Variants in PRMT7 observed in about 807,000 individuals in gnomAD.
PRMT7 encodes protein arginine N-methyltransferase 7.
PRMT7 carries 75 observed loss-of-function variants against 85.4 expected under a neutral mutation model. The ratio of observed to expected loss-of-function variants is 0.88; its 90% CI spans 0.73 to 1.06. The LOEUF is 1.06. PRMT7 is among the 50% of genes least tolerant of loss of function. PRMT7 has a pLI of 0.00. For synonymous variants in PRMT7, 397 were observed against 359.5 expected, an observed-to-expected ratio of 1.10 and a Z score of -1.18; for missense variants, 868 against 915.2, an observed-to-expected ratio of 0.95 and a Z score of 0.67.
intron 5 of PRMT7, among the ~76,000 whole-genome samples, chr16:68,325,495 AAATC>A (rs2151494260): frequency 7.1e-6 from 1 of 141,468 alleles, no homozygotes; most frequent in Non-Finnish European, 1.6e-5. Context: ...TATCTCAAAA[AAATC>A]AAAACGAAAC....
At chr16:68,336,650 A>G (rs1396875984) in intron 6 of PRMT7, among the ~76,000 whole-genome samples, 1 of 152,226 alleles carries the variant, frequency 6.6e-6, no homozygotes, top group Non-Finnish European at 1.5e-5. Flanking sequence ...AATTGCTAAT[A>G]GGGATGAAAA....
At position 68,311,044 on chromosome 16, in the gene PRMT7, G is replaced by A; in HGVS notation, c.-274G>A. ...GACGCTGCGAGGTCCCGCCCCGCGT[G>A]CTGGCCGCGGTAAAAGTGGTAGCAG... On this transcript the variant is annotated 5_prime_UTR_variant, in exon 1 of 19. Transcript: ENST00000441236. The A allele has an allele frequency of 3.3e-6, 3 of 905,136 alleles. No individual in the cohort carries two copies. The highest frequency in any genetic ancestry group is 4.4e-4 in the Middle Eastern group (2 of 4,566). The allele number at this position is 905,136 out of a possible 1,614,324, so 56.1% of individuals were successfully genotyped here.
intron 3 of PRMT7, among the ~76,000 whole-genome samples, chr16:68,317,854 C>CA (rs2082052953): frequency 2.1e-4 from 2 of 9,366 alleles, no homozygotes; most frequent in Non-Finnish European, 3.3e-4. Context: ...AGAAAAAAAA[C>CA]CACACACACA....
At chr16:68,346,007 AG>A in intron 10 of PRMT7, 137 bp from the exon 11 acceptor site, 3 of 1,394,444 alleles carry the variant, frequency 2.2e-6, no homozygotes, top group Non-Finnish European at 9.8e-7. Context: ...TGTTTAGAGC[AG>A]ATGCGTAGGA....
intron 4 of PRMT7, chr16:68,323,663 C>T (rs927989086): frequency 4.6e-5 from 7 of 151,966 alleles, no homozygotes; most frequent in Non-Finnish European, 2.9e-5. Flanking sequence ...AGATTTTTGA[C>T]TTGTTTTGCA....
chr16:68,311,166 C>T (rs1454769141), intron 1 of PRMT7, 67 bp downstream of exon 1: 5 of 623,332 alleles, frequency 8.0e-6, no homozygotes, highest in East Asian at 5.6e-5. Context: ...AGCATGGTGT[C>T]CTTGGCACCA....
intron 9 of PRMT7, among the ~76,000 whole-genome samples, chr16:68,344,431 C>T (rs1319134010): frequency 6.6e-6 from 1 of 152,206 alleles, no homozygotes; most frequent in Non-Finnish European, 1.5e-5. Context: ...TGGGTGTCAT[C>T]GGTGCTCATC....
chr16:68,330,273 T>G (rs1371370104), intron 6 of PRMT7, among the ~76,000 whole-genome samples: 1 of 152,164 alleles, frequency 6.6e-6, no homozygotes, highest in African/African-American at 2.4e-5. Context: ...GAGAACATAG[T>G]TGAAAGATTT....
At chr16:68,320,194 G>A (rs1292699835) in intron 3 of PRMT7, among the ~76,000 whole-genome samples, 1 of 152,166 alleles carries the variant, frequency 6.6e-6, no homozygotes, top group East Asian at 1.9e-4. Flanking sequence ...GTAGTGTATA[G>A]CAAGATCAAG....
Position 68,355,974 on chromosome 16 carries a change from C to T in PRMT7, c.1811+91C>T, listed in dbSNP as rs576921875. ...TGGTGAGCACAGCTGGCCTGGGAGA[C>T]GCTGACACGTGGAGGGGGTATTCGT... On this transcript the variant is annotated intron_variant, in intron 17 of 18. Coordinates refer to ENST00000441236, the MANE Select transcript of PRMT7 (RefSeq NM_019023.5). 1.4e-4 allele frequency: 188 copies of T among 1,323,240 alleles called. 2 individuals are homozygous for T. In the South Asian group the frequency reaches 2.4e-3, roughly 17 times the overall value. The allele number at this position is 1,323,240 out of a possible 1,614,324, so 82.0% of individuals were successfully genotyped here. A position where few individuals can be genotyped will look rare whatever the true frequency, so the allele number is the denominator to read the frequency against.
At chr16:68,352,193 A>G in intron 14 of PRMT7, 55 bp from the exon 15 acceptor site, 5 of 1,547,470 alleles carry the variant, frequency 3.2e-6, no homozygotes, top group East Asian at 2.3e-5. Context: ...TCCTGTTAAC[A>G]CTCCTGGACC....
chr16:68,313,279 G>A (rs2044199243), intron 2 of PRMT7, among the ~76,000 whole-genome samples: 1 of 152,090 alleles, frequency 6.6e-6, no homozygotes, highest in Admixed American at 6.5e-5. Context: ...AGGTTTGAGG[G>A]AGGCACGTCT....
At chr16:68,346,012 C>G in intron 10 of PRMT7, 133 bp from the exon 11 acceptor site, 1 of 1,413,908 alleles carries the variant, frequency 7.1e-7, no homozygotes, top group Non-Finnish European at 9.6e-7. Context: ...AGAGCAGATG[C>G]GTAGGAAAAG....
chr16:68,357,362 C>G lies in PRMT7; in HGVS notation c.*138C>G, dbSNP rs1219044060. On this transcript the variant is annotated 3_prime_UTR_variant, in exon 19 of 19. Transcript: ENST00000441236. ...GGATGGGAAAGACTGCGCCGTGTTG[C>G]ATCTTGTTGCATCTTTGCACTGCTG... The G allele has an allele frequency of 1.6e-5, 14 of 876,512 alleles. No homozygotes were observed. In the South Asian group the frequency reaches 2.3e-4, roughly 15 times the overall value. The allele number at this position is 876,512 out of a possible 1,614,324, so 54.3% of individuals were successfully genotyped here. A position where few individuals can be genotyped will look rare whatever the true frequency, so the allele number is the denominator to read the frequency against.
intron 10 of PRMT7, 52 bp from the exon 11 acceptor site, chr16:68,346,093 G>T: frequency 6.2e-7 from 1 of 1,607,274 alleles, no homozygotes; most frequent in Non-Finnish European, 8.5e-7. Flanking sequence ...GCCCTCTGGA[G>T]ACCTGTGGAG....
intron 3 of PRMT7, among the ~76,000 whole-genome samples, chr16:68,317,638 A>G (rs1173318362): frequency 6.6e-6 from 1 of 151,990 alleles, no homozygotes; most frequent in Non-Finnish European, 1.5e-5. Flanking sequence ...GACCAGCCTG[A>G]CCAACATGGA....
At chr16:68,346,346 A>G in intron 11 of PRMT7, 66 bp downstream of exon 11, 1 of 1,600,108 alleles carries the variant, frequency 6.2e-7, no homozygotes, top group Non-Finnish European at 8.6e-7. Context: ...CATGAACCCC[A>G]GCACTTTGCT....
chr16:68,349,280 T>C (rs2086909046), intron 14 of PRMT7, among the ~76,000 whole-genome samples: 1 of 152,028 alleles, frequency 6.6e-6, no homozygotes, highest in African/African-American at 2.4e-5. Context: ...TGTCCCCCGC[T>C]TCCCCTACTG....
intron 2 of PRMT7, 49 bp downstream of exon 2, chr16:68,312,225 A>ATTT (rs1411942990): frequency 8.7e-5 from 5 of 57,208 alleles, no homozygotes; most frequent in African/African-American, 2.7e-4. Context: ...ATATATATAT[A>ATTT]TATATTTTTT....
Sources: allele counts gnomAD v4.1 joint callset (sites outside exome capture counted in the v4.1 genomes callset), GRCh38; gene constraint gnomAD v4.1.1; transcripts MANE v1.5; gene names NCBI Gene and HGNC (gene_info 2026-07-23, HGNC 2026-07-21).